The following MPP7 variants were observed in gnomAD, a reference collection of about 807,000 sequenced individuals.
The protein encoded by MPP7 is MAGUK p55 subfamily member 7.
Under a neutral mutation model 76.5 loss-of-function variants are expected in MPP7, and 60 were observed. That is an observed-to-expected ratio of 0.78 (90% CI 0.64 to 0.97). The LOEUF is 0.97. Ranked by LOEUF, MPP7 falls within the 50% of genes least tolerant of loss-of-function variation. MPP7 has a pLI of 0.00. For synonymous variants in MPP7, 237 were observed against 244.5 expected (o/e 0.97, Z 0.29); for missense variants, 641 against 694.0 (o/e 0.92, Z 0.86).
rs1851357704 is a variant in MPP7, at chr10:28,051,495, T to C, written c.*2570A>G. The C allele has an allele frequency of 6.6e-6, 1 of 152,194 alleles. No homozygotes were observed. Among genetic ancestry groups the C allele is most frequent in the Admixed American group, 6.5e-5 (1 of 15,276 alleles). 9.4% of individuals were successfully genotyped at this position (152,194 alleles called of 1,614,324 possible). A position where few individuals can be genotyped will look rare whatever the true frequency, so the allele number is the denominator to read the frequency against. On this transcript the variant is annotated 3_prime_UTR_variant, in exon 17 of 17. Coordinates refer to ENST00000683449, the MANE Select transcript of MPP7 (RefSeq NM_001318170.2). ...ATAATAGGAGTACAGAATTTACTTT[T>C]TGGTCTTGATTTTTAAATATATGAA...
chr10:28,056,453 C>G (rs1226552417), intron 16 of MPP7, 27 bp downstream of exon 16: 1 of 1,600,728 alleles, frequency 6.2e-7, no homozygotes, highest in East Asian at 2.3e-5. Flanking sequence ...GCCACCACAC[C>G]TGGCCCCCAA....
At chr10:28,101,533 G>A (rs1263092491) in intron 11 of MPP7, among the ~76,000 whole-genome samples, 1 of 151,920 alleles carries the variant, frequency 6.6e-6, no homozygotes, top group East Asian at 1.9e-4. Flanking sequence ...TAACTTTATG[G>A]CAAACCCCTC....
At chr10:28,226,328 C>T (rs929422155) in intron 2 of MPP7, among the ~76,000 whole-genome samples, 1 of 151,868 alleles carries the variant, frequency 6.6e-6, no homozygotes, top group African/African-American at 2.4e-5. Flanking sequence ...CTCACTGCAA[C>T]CTCCACCTCC....
At chr10:28,157,676 A>C (rs550053282) in intron 3 of MPP7, among the ~76,000 whole-genome samples, 178 of 152,272 alleles carry the variant, frequency 1.2e-3, no homozygotes, top group Non-Finnish European at 2.0e-3. Flanking sequence ...GGTTCCACCC[A>C]CAGGGACCTT....
intron 13 of MPP7, among the ~76,000 whole-genome samples, chr10:28,067,258 C>G (rs11006831): frequency 0.052 from 7,878 of 152,266 alleles, 240 homozygotes; most frequent in Middle Eastern, 0.11. Flanking sequence ...TCAAACAATA[C>G]TGGTGGTATA....
intron 11 of MPP7, chr10:28,118,538 C>G: frequency 1.0e-6 from 1 of 985,382 alleles, no homozygotes; most frequent in Non-Finnish European, 1.2e-6. Context: ...CCTCAAAGCT[C>G]CTTTCTGTTA....
chr10:28,273,244 A>G (rs942049364), intron 1 of MPP7, among the ~76,000 whole-genome samples: 7 of 152,332 alleles, frequency 4.6e-5, no homozygotes, highest in African/African-American at 1.4e-4. Flanking sequence ...AACCATAAAC[A>G]GTATTAGCCA....
chr10:28,142,519 C>T (rs542661716), intron 5 of MPP7, among the ~76,000 whole-genome samples: 1 of 152,160 alleles, frequency 6.6e-6, no homozygotes, highest in African/African-American at 2.4e-5. Context: ...TCACTTGAGG[C>T]CAGGAGTTCA....
intron 11 of MPP7, among the ~76,000 whole-genome samples, chr10:28,098,840 A>T (rs1351525890): frequency 6.6e-6 from 1 of 152,014 alleles, no homozygotes; most frequent in African/African-American, 2.4e-5. Flanking sequence ...ATAAAAAATA[A>T]GAATATAATA....
At chr10:28,067,523 A>G (rs1033269357) in intron 13 of MPP7, among the ~76,000 whole-genome samples, 1 of 152,206 alleles carries the variant, frequency 6.6e-6, no homozygotes, top group Non-Finnish European at 1.5e-5. Flanking sequence ...TTTGACATTG[A>G]TATCTGTCTA....
At chr10:28,114,141 T>G (rs1834589142) in intron 11 of MPP7, among the ~76,000 whole-genome samples, 1 of 152,206 alleles carries the variant, frequency 6.6e-6, no homozygotes, top group South Asian at 2.1e-4. Flanking sequence ...CTGAGCACAG[T>G]GGCTCATGCC....
chr10:28,322,995 G>T (rs1184155196), intron 2 of MPP7, among the ~76,000 whole-genome samples: 1 of 151,930 alleles, frequency 6.6e-6, no homozygotes, highest in Admixed American at 6.6e-5. Context: ...CTACAAAAAA[G>T]AAAAATAGGG....
chr10:28,219,613 A>T (rs958153949), intron 2 of MPP7, among the ~76,000 whole-genome samples: 1 of 152,152 alleles, frequency 6.6e-6, no homozygotes, highest in African/African-American at 2.4e-5. Context: ...AAATATCTAG[A>T]AGTCATATGG....
At chr10:28,115,225 C>A (rs1046532126) in intron 11 of MPP7, among the ~76,000 whole-genome samples, 39 of 152,040 alleles carry the variant, frequency 2.6e-4, no homozygotes, top group Non-Finnish European at 5.1e-4. Flanking sequence ...GCCTCAGCCT[C>A]CCGAGTAGCT....
rs746231999 is a variant in MPP7 at position 28,056,464 on chromosome 10, G to A, written c.1551+16C>T. On this transcript the variant is annotated intron_variant, in intron 16 of 16. Transcript: ENST00000683449. ...GTGGGCCACCACACCTGGCCCCCAA[G>A]CATCATTATACTTACTGTGAAGGGT... 1.2e-5 allele frequency: 19 copies of A among 1,603,862 alleles called. No homozygotes were observed. Among genetic ancestry groups the A allele is most frequent in the Non-Finnish European group, 1.4e-5 (17 of 1,177,084 alleles).
chr10:28,153,525 G>A (rs569025705), intron 3 of MPP7, among the ~76,000 whole-genome samples: 50 of 152,036 alleles, frequency 3.3e-4, no homozygotes, highest in African/African-American at 1.1e-3. Context: ...GTCCATAAGG[G>A]TTTTTTTCCT....
At chr10:28,290,935 A>G (rs1036908244) in intron 1 of MPP7, among the ~76,000 whole-genome samples, 16 of 152,370 alleles carry the variant, frequency 1.1e-4, no homozygotes, top group African/African-American at 3.8e-4. Flanking sequence ...TACATGGACA[A>G]TATAGAGTTG....
intron 2 of MPP7, among the ~76,000 whole-genome samples, chr10:28,328,333 T>C (rs1373052354): frequency 6.6e-6 from 1 of 152,218 alleles, no homozygotes; most frequent in Non-Finnish European, 1.5e-5. Context: ...ACTCTAGTAT[T>C]CCCTCCTTTT....
In MPP7 at chr10:28,268,132, C is replaced by T. The variant is rs547503164; in HGVS notation, c.-131-29397G>A. ...CAAATGTGAGTAGAGAGGAGGCATA[C>T]TCTATATTGGGTAGAAGGTGAAGTT... is the stretch of plus-strand genomic sequence containing the variant. On this transcript the variant is annotated intron_variant, in intron 1 of 16. Transcript: ENST00000683449. Among the ~76,000 whole-genome samples the T allele has an allele frequency of 2.6e-4, 40 of 152,100 alleles. 1 individual carries two copies. The highest frequency in any genetic ancestry group is 8.5e-4 in the Admixed American group (13 of 15,278).
Sources: allele counts gnomAD v4.1 joint callset (sites outside exome capture counted in the v4.1 genomes callset), GRCh38; gene constraint gnomAD v4.1.1; transcripts MANE v1.5; gene names NCBI Gene and HGNC (gene_info 2026-07-23, HGNC 2026-07-21).